Variants in UNC5C observed in about 807,000 individuals in gnomAD.
UNC5C encodes unc-5 netrin receptor C.
A neutral mutation model predicts 99.8 loss-of-function variants in UNC5C; 47 were observed. The observed-to-expected ratio is 0.47, with a 90% CI of 0.37 to 0.60. The LOEUF (loss-of-function observed/expected upper bound fraction) is 0.60. UNC5C is among the 20% of genes least tolerant of loss of function. The pLI is 0.00. For missense variants in UNC5C, 1,062 were observed against 1,165.9 expected (o/e 0.91, Z 1.30); for synonymous variants, 487 against 452.2 (o/e 1.08, Z -0.98).
intron 12 of UNC5C, among the ~76,000 whole-genome samples, chr4:95,198,717 C>CATT (rs1737531681): frequency 6.6e-6 from 1 of 152,126 alleles, no homozygotes; most frequent in South Asian, 2.1e-4. Flanking sequence ...AGTACTGGCA[C>CATT]ATTTCCTCTT....
At position 95,181,012 on chromosome 4, in the gene UNC5C, G is replaced by A. The variant is rs371240434; in HGVS notation, c.2451+1885C>T. Among the ~76,000 whole-genome samples, 6 of 152,040 alleles carry A rather than the reference G, an allele frequency of 3.9e-5. No homozygotes were observed. The East Asian group carries it at 1.2e-3, about 29-fold the overall frequency. Reference sequence around the variant, plus strand: ...CGCAGAGGCTTCCTCTCCAACATCAGTACACCCATCCACACTCCCTCCTCT... The same window carrying A: ...CGCAGAGGCTTCCTCTCCAACATCAATACACCCATCCACACTCCCTCCTCT... On this transcript the variant is annotated intron_variant, in intron 14 of 15. Transcript: ENST00000453304.
At chr4:95,386,212 CT>C (rs559949830) in intron 1 of UNC5C, among the ~76,000 whole-genome samples, 42 of 150,388 alleles carry the variant, frequency 2.8e-4, no homozygotes, top group East Asian at 1.6e-3. Context: ...TTTGACACAA[CT>C]TTTTTTTTTC....
chr4:95,508,866 G>C (rs983874268), intron 1 of UNC5C, among the ~76,000 whole-genome samples: 2 of 151,878 alleles, frequency 1.3e-5, no homozygotes. Context: ...TATTGGAGGA[G>C]TAAACATCTT....
chr4:95,382,591 A>G (rs1745103541), intron 1 of UNC5C, among the ~76,000 whole-genome samples: 1 of 152,200 alleles, frequency 6.6e-6, no homozygotes, highest in Non-Finnish European at 1.5e-5. Context: ...ATATTAATAT[A>G]TGAGAAAACT....
intron 1 of UNC5C, among the ~76,000 whole-genome samples, chr4:95,512,896 A>G (rs1722115789): frequency 1.3e-5 from 2 of 152,208 alleles, no homozygotes. Context: ...TTAATCCAGT[A>G]ATGTAGTAAA....
At position 95,278,258 on chromosome 4, in the gene UNC5C, C is replaced by A. The variant is rs758383572; in HGVS notation, c.594+1G>T. 6.2e-7 allele frequency: 1 copy of A among 1,612,834 alleles called. No individual in the cohort carries two copies. Among genetic ancestry groups the A allele is most frequent in the Non-Finnish European group, 8.5e-7 (1 of 1,178,972 alleles). On this transcript the variant is annotated splice_donor_variant, in intron 4 of 15. Coordinates refer to ENST00000453304, the MANE Select transcript of UNC5C (RefSeq NM_003728.4). LOFTEE classifies it high-confidence loss of function. ...AAATGCAAAGAATTGTTGTTATTCA[C>A]CTCAGCCACTGGGATCCCTTCAGGT...
chr4:95,296,135 T>C (rs1013343731), intron 3 of UNC5C, among the ~76,000 whole-genome samples: 1 of 152,190 alleles, frequency 6.6e-6, no homozygotes, highest in African/African-American at 2.4e-5. Context: ...TTCTGCAACA[T>C]TAGCAAGGGG....
chr4:95,498,709 GTTT>G (rs5860410), intron 1 of UNC5C, among the ~76,000 whole-genome samples: 1 of 149,210 alleles, frequency 6.7e-6, no homozygotes, highest in Non-Finnish European at 1.5e-5. Context: ...AACATACAGT[GTTT>G]TTTTTTTTTC....
chr4:95,430,675 A>G (rs1746611506), intron 1 of UNC5C, among the ~76,000 whole-genome samples: 2 of 152,168 alleles, frequency 1.3e-5, no homozygotes. Flanking sequence ...ATATATTCAC[A>G]AAGCCATTCC....
chr4:95,404,772 C>G (rs962635896), intron 1 of UNC5C, among the ~76,000 whole-genome samples: 1 of 152,196 alleles, frequency 6.6e-6, no homozygotes, highest in East Asian at 1.9e-4. Flanking sequence ...CCACCATGCC[C>G]TCTATCCTGC....
chr4:95,445,996 A>C (rs72659990), intron 1 of UNC5C, among the ~76,000 whole-genome samples: 30,080 of 152,034 alleles, frequency 0.2, 3,502 homozygotes, highest in Non-Finnish European at 0.26. Context: ...CAAACAAAAA[A>C]AACAACGTGG....
intron 7 of UNC5C, 148 bp downstream of exon 7, chr4:95,242,281 C>T: frequency 8.3e-7 from 1 of 1,207,368 alleles, no homozygotes; most frequent in Non-Finnish European, 1.1e-6. Context: ...TCGCTTTTTC[C>T]AATTTTGAGA....
intron 10 of UNC5C, among the ~76,000 whole-genome samples, chr4:95,210,214 GT>G (rs1168733407): frequency 1.3e-5 from 2 of 152,170 alleles, no homozygotes; most frequent in Non-Finnish European, 2.9e-5. Context: ...GGGGCAGTAG[GT>G]GTCAAAAGAA....
intron 1 of UNC5C, among the ~76,000 whole-genome samples, chr4:95,456,443 C>A (rs17023940): frequency 0.2 from 30,121 of 151,980 alleles, 3,108 homozygotes; most frequent in East Asian, 0.28. Context: ...TAATTCTGTA[C>A]ATTTTCACTG....
At chr4:95,430,417 T>A (rs941529930) in intron 1 of UNC5C, among the ~76,000 whole-genome samples, 2 of 152,110 alleles carry the variant, frequency 1.3e-5, no homozygotes, top group African/African-American at 4.8e-5. Context: ...GTGTCATGAT[T>A]AAATGTACCC....
chr4:95,293,581 A>G (rs954291531), intron 3 of UNC5C, among the ~76,000 whole-genome samples: 1 of 152,032 alleles, frequency 6.6e-6, no homozygotes, highest in African/African-American at 2.4e-5. Flanking sequence ...TGGCCTCCCA[A>G]GGTGCTGGGA....
At position 95,329,962 on chromosome 4, in the gene UNC5C, T is replaced by C. The variant is rs528868255; in HGVS notation, c.346+5448A>G. On this transcript the variant is annotated intron_variant, in intron 2 of 15. Transcript: ENST00000453304. ...ATTTTAAGCCCCAACATCTAGCATT[T>C]ATTTTATTCTAAAGAATGAGATAGA... 3.3e-5 allele frequency among the ~76,000 whole-genome samples: 5 copies of C among 152,296 alleles called. No individual in the cohort carries two copies. The East Asian group carries it at 9.6e-4, about 29-fold the overall frequency.
At chr4:95,424,302 A>G (rs559259782) in intron 1 of UNC5C, among the ~76,000 whole-genome samples, 1 of 152,054 alleles carries the variant, frequency 6.6e-6, no homozygotes, top group African/African-American at 2.4e-5. Flanking sequence ...GGAAGCCAAA[A>G]TTGAAATACC....
intron 1 of UNC5C, among the ~76,000 whole-genome samples, chr4:95,344,049 C>T (rs1034846115): frequency 6.6e-6 from 1 of 151,964 alleles, no homozygotes; most frequent in Non-Finnish European, 1.5e-5. Flanking sequence ...TAACAGAGAA[C>T]TTCCTACACC....
Sources: gnomAD v4.1 joint callset for allele counts (sites outside exome capture counted in the v4.1 genomes callset) on GRCh38, gnomAD v4.1.1 for gene constraint, MANE v1.5 for transcripts, NCBI Gene and HGNC (gene_info 2026-07-23, HGNC 2026-07-21) for gene names.